Variants in MYO1D observed in about 807,000 individuals in gnomAD.
MYO1D encodes unconventional myosin-Id.
A neutral mutation model predicts 122.0 loss-of-function variants in MYO1D; 83 were observed. The ratio of observed to expected loss-of-function variants is 0.68; its 90% CI spans 0.57 to 0.82. MYO1D has a LOEUF of 0.82. MYO1D is among the 40% of genes least tolerant of loss of function. MYO1D has a pLI of 0.00. For synonymous variants in MYO1D, 464 were observed against 446.9 expected, an observed-to-expected ratio of 1.04 and a Z score of -0.48; for missense variants, 1,157 against 1,269.5, an observed-to-expected ratio of 0.91 and a Z score of 1.35.
intron 21 of MYO1D, among the ~76,000 whole-genome samples, chr17:32,565,130 A>G (rs74456512): frequency 0.1 from 15,917 of 152,140 alleles, 971 homozygotes; most frequent in South Asian, 0.18. Flanking sequence ...CAGCTTCTGG[A>G]GTAGCTGGGA....
intron 16 of MYO1D, among the ~76,000 whole-genome samples, chr17:32,684,915 G>A (rs2088984242): frequency 6.6e-6 from 1 of 152,100 alleles, no homozygotes; most frequent in African/African-American, 2.4e-5. Flanking sequence ...AAATCAGCTG[G>A]TTCTGTTAGA....
At chr17:32,696,823 A>C (rs2089179471) in intron 16 of MYO1D, among the ~76,000 whole-genome samples, 1 of 152,206 alleles carries the variant, frequency 6.6e-6, no homozygotes, top group African/African-American at 2.4e-5. Context: ...ATTTTTGTAG[A>C]AAACTTTGCT....
intron 1 of MYO1D, among the ~76,000 whole-genome samples, chr17:32,817,286 GATATGAA>G (rs1275553545): frequency 1.3e-5 from 2 of 152,104 alleles, no homozygotes; most frequent in Non-Finnish European, 2.9e-5. Context: ...TTTCTAAAAA[GATATGAA>G]GACTGAAGAC....
intron 19 of MYO1D, among the ~76,000 whole-genome samples, chr17:32,644,281 G>C (rs1229802895): frequency 6.6e-6 from 1 of 152,220 alleles, no homozygotes; most frequent in East Asian, 1.9e-4. Context: ...CTGAGAGACA[G>C]TTTGTTATAA....
chr17:32,640,521 T>C (rs1476508287), intron 19 of MYO1D, among the ~76,000 whole-genome samples: 1 of 127,670 alleles, frequency 7.8e-6, no homozygotes, highest in Non-Finnish European at 1.6e-5. Context: ...TTCCCCTTCC[T>C]GTGTCCATGT....
At chr17:32,696,681 G>T (rs1268936516) in intron 16 of MYO1D, among the ~76,000 whole-genome samples, 1 of 152,206 alleles carries the variant, frequency 6.6e-6, no homozygotes, top group Non-Finnish European at 1.5e-5. Context: ...ACATGTGTTT[G>T]CTTGCTAGTT....
At chr17:32,663,741 T>C (rs565559439) in intron 16 of MYO1D, among the ~76,000 whole-genome samples, 1 of 152,308 alleles carries the variant, frequency 6.6e-6, no homozygotes, top group Non-Finnish European at 1.5e-5. Flanking sequence ...CCGATGAAGG[T>C]GTGGGGTATT....
chr17:32,807,304 T>C (rs2090523863), intron 1 of MYO1D, among the ~76,000 whole-genome samples: 1 of 152,150 alleles, frequency 6.6e-6, no homozygotes, highest in African/African-American at 2.4e-5. Flanking sequence ...CTCTAGAGGT[T>C]CCTATTGTTA....
In MYO1D at chr17:32,760,590, C is replaced by T. The variant is rs560620599; in HGVS notation, c.1073G>A (p.Arg358His). The T allele has an allele frequency of 6.2e-6, 10 of 1,611,618 alleles. No individual in the cohort carries two copies. The highest frequency in any genetic ancestry group is 3.4e-5 in the Admixed American group (2 of 59,556). Residue 358 changes from arginine (R) to histidine (H), a missense_variant, in exon 9 of 22, where the codon CGC (arginine) becomes CAC (histidine). Physicochemically the swap from Arg to His is conservative, Grantham distance 29. Coordinates refer to ENST00000318217, the MANE Select transcript of MYO1D (RefSeq NM_015194.3). ...CTTGACCTCAATAATATCATTGATG[C>T]GAGTAACGATCCAACAAAAAAGGCG... ...YERLFCWIVTRINDIIEVKNY... is the reference protein window; with the variant it reads ...YERLFCWIVTHINDIIEVKNY...
intron 16 of MYO1D, among the ~76,000 whole-genome samples, chr17:32,701,299 C>G (rs887321962): frequency 2.0e-5 from 3 of 152,066 alleles, no homozygotes; most frequent in East Asian, 1.9e-4. Context: ...ACAAATACCC[C>G]CTTCCAGATG....
At chr17:32,557,330 C>T (rs1016221519) in intron 21 of MYO1D, among the ~76,000 whole-genome samples, 3 of 151,472 alleles carry the variant, frequency 2.0e-5, no homozygotes, top group Non-Finnish European at 4.4e-5. Context: ...ATGTTGGCCT[C>T]GAACTCCTGA....
chr17:32,503,602 A>G (rs1909394856), intron 21 of MYO1D, among the ~76,000 whole-genome samples: 1 of 152,246 alleles, frequency 6.6e-6, no homozygotes, highest in Non-Finnish European at 1.5e-5. Flanking sequence ...GTTTGGTAAC[A>G]GGATGTGGTA....
intron 21 of MYO1D, among the ~76,000 whole-genome samples, chr17:32,523,168 C>A (rs954113254): frequency 6.6e-6 from 1 of 152,160 alleles, no homozygotes; most frequent in Non-Finnish European, 1.5e-5. Context: ...TGCCTGCCTA[C>A]CACATGGGAG....
In MYO1D at chr17:32,853,378, T is replaced by C. The variant is rs190813199; in HGVS notation, c.95+23400A>G. Among the ~76,000 whole-genome samples, 11 of 152,342 alleles carry C rather than the reference T, an allele frequency of 7.2e-5. No individual in the cohort carries two copies. The East Asian group carries it at 1.7e-3, about 24-fold the overall frequency. On this transcript the variant is annotated intron_variant, in intron 1 of 21. Coordinates refer to ENST00000318217, the MANE Select transcript of MYO1D (RefSeq NM_015194.3). ...CCTTCAATGGCTCCCCATCACCACA[T>C]AATAAAAAATCTTTAGCATAGGATT...
At chr17:32,801,263 T>G (rs958138262) in intron 1 of MYO1D, among the ~76,000 whole-genome samples, 1 of 152,250 alleles carries the variant, frequency 6.6e-6, no homozygotes, top group Admixed American at 6.5e-5. Flanking sequence ...ACTACTAATA[T>G]TCTTATTTTA....
rs2090166732 is a variant in MYO1D, at chr17:32,775,870, T to C, written c.558A>G (p.Leu186=). ...GAAATTAAGCATATTTTACCTTTTCTAGTAAGTAGTTATTGATATGCCCAC... is the reference window on the plus strand; with the variant it reads ...GAAATTAAGCATATTTTACCTTTTCCAGTAAGTAGTTATTGATATGCCCAC... ...PIGGHINNYL[L]EKSRVIVQQP... is the part of the protein sequence containing the mutation. The change falls in exon 4 of 22, where the codon CTA becomes CTG. Residue 186 remains leucine (L), a synonymous_variant. Coordinates refer to ENST00000318217, the MANE Select transcript of MYO1D (RefSeq NM_015194.3). 1 of 1,605,116 alleles carries C rather than the reference T, an allele frequency of 6.2e-7. No homozygotes were observed. Among genetic ancestry groups the C allele is most frequent in the South Asian group, 1.1e-5 (1 of 88,962 alleles).
At chr17:32,764,398 A>G (rs1215603934) in intron 8 of MYO1D, among the ~76,000 whole-genome samples, 1 of 152,214 alleles carries the variant, frequency 6.6e-6, no homozygotes, top group Non-Finnish European at 1.5e-5. Context: ...ATATTGTTTC[A>G]AATTGCTAAG....
Position 32,528,349 on chromosome 17 carries a change from G to A in MYO1D, c.2865-33434C>T, listed in dbSNP as rs543970227. 1.6e-4 allele frequency among the ~76,000 whole-genome samples: 24 copies of A among 152,318 alleles called. 1 individual carries two copies. In the South Asian group the frequency reaches 5.0e-3, roughly 32 times the overall value. ...CAGGTGGGAGAGGGTGAGATGGGTA[G>A]GAAGTGCATGGCAGAGCTGGGAAGC... On this transcript the variant is annotated intron_variant, in intron 21 of 21. Transcript: ENST00000318217.
intron 21 of MYO1D, among the ~76,000 whole-genome samples, chr17:32,590,507 G>C (rs2087429875): frequency 6.6e-6 from 1 of 152,182 alleles, no homozygotes; most frequent in Non-Finnish European, 1.5e-5. Flanking sequence ...TGTTTGAAGG[G>C]AAAGGACTGG....
Sources: gnomAD v4.1 joint callset for allele counts (sites outside exome capture counted in the v4.1 genomes callset) on GRCh38, gnomAD v4.1.1 for gene constraint, MANE v1.5 for transcripts, NCBI Gene and HGNC (gene_info 2026-07-23, HGNC 2026-07-21) for gene names.